The following CAPN7 variants were observed in gnomAD, a reference collection of about 807,000 sequenced individuals.
The protein encoded by CAPN7 is calpain-7.
In CAPN7, 72 loss-of-function variants were observed where a neutral mutation model predicts 115.2. The ratio of observed to expected loss-of-function variants is 0.63; its 90% CI spans 0.52 to 0.76. CAPN7 has a LOEUF of 0.76. Ranked by LOEUF, CAPN7 falls within the 30% of genes least tolerant of loss-of-function variation. The pLI is 0.00. For synonymous variants in CAPN7, 344 were observed against 322.3 expected (o/e 1.07, Z -0.72); for missense variants, 905 against 971.5 (o/e 0.93, Z 0.91).
At chr3:15,226,416 T>G (rs1389502528) in intron 6 of CAPN7, among the ~76,000 whole-genome samples, 2 of 152,176 alleles carry the variant, frequency 1.3e-5, no homozygotes, top group Admixed American at 1.3e-4. Flanking sequence ...GGAAAAAACC[T>G]TGAATTTAAT....
At chr3:15,249,857 T>G (rs966804334) in intron 19 of CAPN7, among the ~76,000 whole-genome samples, 37 of 150,440 alleles carry the variant, frequency 2.5e-4, no homozygotes, top group African/African-American at 8.5e-4. Flanking sequence ...CTCCGCCTCC[T>G]GGGTTCAAGC....
chr3:15,235,994 C>A (rs1694971223), intron 12 of CAPN7, among the ~76,000 whole-genome samples: 1 of 151,970 alleles, frequency 6.6e-6, no homozygotes, highest in Admixed American at 6.6e-5. Flanking sequence ...CATAGTAAGA[C>A]CCCACCGCTA....
chr3:15,227,837 A>G lies in CAPN7; in HGVS notation c.726-2A>G. ...TTATTTTAATTTTTATTATTACCTC[A>G]GTGATAGATGGGGCAAGCTACCATT... On this transcript the variant is annotated splice_acceptor_variant, in intron 6 of 20. Coordinates refer to ENST00000253693, the MANE Select transcript of CAPN7 (RefSeq NM_014296.3). LOFTEE classifies it high-confidence loss of function. 6.8e-7 allele frequency: 1 copy of G among 1,475,694 alleles called. No individual in the cohort carries two copies. The highest frequency in any genetic ancestry group is 9.0e-7 in the Non-Finnish European group (1 of 1,107,878). The allele number at this position is 1,475,694 out of a possible 1,614,324, so 91.4% of individuals were successfully genotyped here.
intron 12 of CAPN7, 45 bp downstream of exon 12, chr3:15,235,190 A>G: frequency 6.6e-7 from 1 of 1,516,186 alleles, no homozygotes; most frequent in Non-Finnish European, 8.9e-7. Flanking sequence ...GTTGGATAAG[A>G]CATTTCAGGG....
Position 15,242,261 on chromosome 3 carries a change from T to C in CAPN7, c.1864+8T>C, listed in dbSNP as rs776239086. Reference sequence around the variant, plus strand: ...AAAAAGTTTATTACCCAGGTATGTTTAGTAGCCCAGCAAACATTAAAATAA... The same window carrying C: ...AAAAAGTTTATTACCCAGGTATGTTCAGTAGCCCAGCAAACATTAAAATAA... On this transcript the variant is annotated splice_region_variant and intron_variant, in intron 16 of 20. Transcript: ENST00000253693. The C allele has an allele frequency of 5.9e-6, 9 of 1,535,862 alleles. No individual in the cohort carries two copies. The South Asian group carries it at 9.5e-5, about 16-fold the overall frequency.
chr3:15,208,746 G>A (rs1019497247), intron 1 of CAPN7, among the ~76,000 whole-genome samples: 3 of 152,022 alleles, frequency 2.0e-5, no homozygotes, highest in Non-Finnish European at 4.4e-5. Context: ...AAATTACCGG[G>A]GACAGAATTG....
chr3:15,247,505 G>C, intron 19 of CAPN7, 48 bp downstream of exon 19: 1 of 1,500,710 alleles, frequency 6.7e-7, no homozygotes, highest in Non-Finnish European at 9.0e-7. Flanking sequence ...TATTACAAAT[G>C]AACATAGTAT....
intron 7 of CAPN7, 32 bp from the exon 8 acceptor site, chr3:15,228,942 A>T (rs376332393): frequency 5.5e-5 from 82 of 1,493,774 alleles, no homozygotes; most frequent in Non-Finnish European, 7.4e-5. Flanking sequence ...TACGTGAATG[A>T]ATATGAATAT....
intron 8 of CAPN7, 36 bp from the exon 9 acceptor site, chr3:15,230,406 A>C (rs778018144): frequency 7.4e-7 from 1 of 1,343,900 alleles, no homozygotes; most frequent in Admixed American, 1.7e-5. Context: ...TTGAATACTA[A>C]TGTTGGTATT....
Position 15,217,455 on chromosome 3 carries a change from CA to C in CAPN7, c.246del (p.Lys82AsnfsTer6). 6.2e-7 allele frequency: 1 copy of C among 1,613,034 alleles called. No homozygotes were observed. The highest frequency in any genetic ancestry group is 1.1e-5 in the South Asian group (1 of 90,930). ...TCAAAGAGTGCTGATCCTTTGAAGT[CA>C]AAACATCAGTTGGACTTAGAGCGTG... Reference protein sequence around the residue: ...VQSKSADPLKSKHQLDLERAH... With the variant: ...VQSKSADPLKXKHQLDLERAH... On this transcript the variant is annotated frameshift_variant, in exon 3 of 21. Coordinates refer to ENST00000253693, the MANE Select transcript of CAPN7 (RefSeq NM_014296.3). LOFTEE classifies it high-confidence loss of function.
At chr3:15,245,003 C>T (rs1476486209) in intron 16 of CAPN7, among the ~76,000 whole-genome samples, 2 of 148,918 alleles carry the variant, frequency 1.3e-5, no homozygotes, top group South Asian at 2.1e-4. Flanking sequence ...GGAGTGGGTA[C>T]GTTTGTATTC....
At chr3:15,247,995 A>G (rs1396220339) in intron 19 of CAPN7, among the ~76,000 whole-genome samples, 1 of 149,984 alleles carries the variant, frequency 6.7e-6, no homozygotes, top group Non-Finnish European at 1.5e-5. Flanking sequence ...TGGACACAGG[A>G]AGGGGAATAT....
chr3:15,231,007 C>T (rs1440808977), intron 9 of CAPN7, among the ~76,000 whole-genome samples: 5 of 152,108 alleles, frequency 3.3e-5, no homozygotes, highest in Non-Finnish European at 7.4e-5. Flanking sequence ...GTTATAAGGG[C>T]CTTGCATTGT....
chr3:15,231,750 G>T (rs4117790), intron 9 of CAPN7, among the ~76,000 whole-genome samples: 3 of 151,926 alleles, frequency 2.0e-5, no homozygotes, highest in Non-Finnish European at 4.4e-5. Flanking sequence ...GGATGGTCTC[G>T]ATCTCCTGAC....
chr3:15,224,402 AGCTGGGACC>A (rs1237253086), intron 6 of CAPN7, among the ~76,000 whole-genome samples: 15 of 151,624 alleles, frequency 9.9e-5, no homozygotes, highest in African/African-American at 3.6e-4. Flanking sequence ...CCTCTTGTAT[AGCTGGGACC>A]GCAGGCATGC....
rs938901917 is a variant in CAPN7, at chr3:15,206,747, G to C, written c.102+150G>C. 7 of 628,788 alleles carry C rather than the reference G, an allele frequency of 1.1e-5. No homozygotes were observed. In the Admixed American group the frequency reaches 2.0e-4, roughly 18 times the overall value. The allele number at this position is 628,788 out of a possible 1,614,324, so 39.0% of individuals were successfully genotyped here. A position where few individuals can be genotyped will look rare whatever the true frequency, so the allele number is the denominator to read the frequency against. On this transcript the variant is annotated intron_variant, in intron 1 of 20. Coordinates refer to ENST00000253693, the MANE Select transcript of CAPN7 (RefSeq NM_014296.3). The stretch of plus-strand genomic sequence containing the variant: ...TCCCGGCCCTCCTCTTGTTGGGAGC[G>C]GCAAGCCCGAGTGCAGAGGCCGACG...
chr3:15,248,209 TAAA>T (rs1295291675), intron 19 of CAPN7, among the ~76,000 whole-genome samples: 3 of 151,728 alleles, frequency 2.0e-5, no homozygotes, highest in African/African-American at 2.4e-5. Context: ...AATAAAAAAA[TAAA>T]AACACATTAT....
In CAPN7 at chr3:15,247,373, T is replaced by G. The variant is rs368508653; in HGVS notation, c.2120T>G (p.Phe707Cys). The change falls in exon 19 of 21, where the codon TTC becomes TGC. Residue 707 changes from phenylalanine (F) to cysteine (C), a missense_variant. By Grantham distance (205) the Phe-to-Cys change is radical (BLOSUM62 -2). This residue lies in a region of CAPN7 where 620 missense variants were observed against 703.4 expected (regional missense o/e 0.88). Coordinates refer to ENST00000253693, the MANE Select transcript of CAPN7 (RefSeq NM_014296.3). Reference protein sequence around the residue: ...SGQSAGGCGNFQETHKNNPIY... With the variant: ...SGQSAGGCGNCQETHKNNPIY... ...CAGAGTGCTGGAGGATGTGGAAATT[T>G]CCAAGAGACTCACAAAAATAACCCC... The G allele has an allele frequency of 1.7e-5, 27 of 1,610,672 alleles. No homozygotes were observed. The highest frequency in any genetic ancestry group is 2.1e-5 in the Non-Finnish European group (25 of 1,178,288).
rs371169868 is a variant in CAPN7, at chr3:15,210,596, C to CTTTTTTTTTTTTTTTT, written c.103-1506_103-1491dup. 1.7e-3 allele frequency among the ~76,000 whole-genome samples: 182 copies of CTTTTTTTTTTTTTTTT among 104,390 alleles called. 25 individuals are homozygous for CTTTTTTTTTTTTTTTT. The highest frequency in any genetic ancestry group is 7.8e-3 in the African/African-American group (128 of 16,454). 68.5% of individuals were successfully genotyped at this position (104,390 alleles called of 152,430 possible). ...TTTTCATTCCTTCCTTGCTTCCTTC[C>CTTTTTTTTTTTTTTTT]TTTTTTTTTTTTTTTTTGGACAGTA... On this transcript the variant is annotated intron_variant, in intron 1 of 20. Transcript: ENST00000253693.
Sources: gnomAD v4.1 joint callset for allele counts (sites outside exome capture counted in the v4.1 genomes callset) on GRCh38, gnomAD v4.1.1 for gene constraint, gnomAD v4.1.1 regional missense constraint, MANE v1.5 for transcripts, NCBI Gene and HGNC (gene_info 2026-07-23, HGNC 2026-07-21) for gene names.